TMEM170A: variants seen among roughly 807,000 people sequenced by gnomAD.
TMEM170A encodes the protein transmembrane protein 170.
Under a neutral mutation model 12.8 loss-of-function variants are expected in TMEM170A, and 18 were observed. That is an observed-to-expected ratio of 1.41 (90% CI 0.97 to 2.09). The LOEUF (loss-of-function observed/expected upper bound fraction) is 2.09, where lower values mean the gene tolerates loss of function less well. Among genes scored for constraint, TMEM170A ranks in the 30% most tolerant of loss-of-function variants. The pLI, the probability that TMEM170A is intolerant of heterozygous loss-of-function variation, is 0.00. For missense variants in TMEM170A, 220 were observed against 179.9 expected (o/e 1.22, Z -1.28); for synonymous variants, 107 against 76.2 (o/e 1.40, Z -2.11).
At chr16:75,461,345 C>G (rs955988933) in intron 1 of TMEM170A, among the ~76,000 whole-genome samples, 2 of 152,166 alleles carry the variant, frequency 1.3e-5, no homozygotes, top group African/African-American at 2.4e-5. Flanking sequence ...TGAGCCACGG[C>G]AACCGGCCAA....
chr16:75,463,990 G>A (rs1381621752), intron 1 of TMEM170A, among the ~76,000 whole-genome samples: 3 of 152,242 alleles, frequency 2.0e-5, no homozygotes, highest in African/African-American at 4.8e-5. Flanking sequence ...GCGAACGAGC[G>A]CCTGCGCGGA....
intron 1 of TMEM170A, among the ~76,000 whole-genome samples, chr16:75,461,462 T>C (rs748987973): frequency 2.0e-5 from 3 of 152,224 alleles, no homozygotes; most frequent in Non-Finnish European, 4.4e-5. Context: ...TACATAAATA[T>C]GTCAGAATAC....
At chr16:75,454,341 G>A (rs375993177) in intron 1 of TMEM170A, among the ~76,000 whole-genome samples, 10 of 152,274 alleles carry the variant, frequency 6.6e-5, no homozygotes, top group African/African-American at 2.2e-4. Context: ...CATGATGGCC[G>A]GGCGTGGTAG....
chr16:75,462,393 G>C (rs2079924096), intron 1 of TMEM170A, among the ~76,000 whole-genome samples: 1 of 152,154 alleles, frequency 6.6e-6, no homozygotes. Flanking sequence ...CTTTTTAGTA[G>C]AGACAAGGTT....
chr16:75,457,573 T>G (rs1271999578), intron 1 of TMEM170A, among the ~76,000 whole-genome samples: 1 of 152,140 alleles, frequency 6.6e-6, no homozygotes, highest in Admixed American at 6.6e-5. Context: ...GGAGATAATG[T>G]CTGTTATTTA....
chr16:75,459,635 T>C (rs1405897453), intron 1 of TMEM170A, among the ~76,000 whole-genome samples: 1 of 152,018 alleles, frequency 6.6e-6, no homozygotes, highest in Non-Finnish European at 1.5e-5. Context: ...GGTAGGAGGA[T>C]CACCTGAGGT....
rs2079688330 is a variant in TMEM170A, at chr16:75,451,754, G to A, written c.219C>T (p.Leu73=). ...TGAACCTACCATATTTGTGATGTCT[G>A]AGGGTGAAGAGGGCCAGTAATCCAG... The part of the protein sequence containing the change: ...VPAGLLALFT[L]RHHKYGRFMS... Residue 73 remains leucine, a synonymous_variant, in exon 2 of 3, where the codon CTC becomes CTT. Coordinates refer to ENST00000561878, the MANE Select transcript of TMEM170A (RefSeq NM_145254.3). The A allele has an allele frequency of 6.2e-7, 1 of 1,614,140 alleles. No homozygotes were observed. Among genetic ancestry groups the A allele is most frequent in the Non-Finnish European group, 8.5e-7 (1 of 1,180,030 alleles).
intron 1 of TMEM170A, among the ~76,000 whole-genome samples, chr16:75,452,173 A>G (rs1401200590): frequency 5.3e-5 from 8 of 151,778 alleles, no homozygotes; most frequent in Admixed American, 3.3e-4. Context: ...GGGTTTCACC[A>G]TGTTAACCAG....
chr16:75,461,533 G>C (rs2079908771), intron 1 of TMEM170A, among the ~76,000 whole-genome samples: 1 of 152,076 alleles, frequency 6.6e-6, no homozygotes, highest in South Asian at 2.1e-4. Context: ...TTTTCTGTGG[G>C]GCCAAAATAT....
Position 75,443,106 on chromosome 16 carries a change from AATT to A in TMEM170A, c.*4449_*4451del, listed in dbSNP as rs1055981781. The A allele has an allele frequency of 6.6e-6, 1 of 152,186 alleles. No individual in the cohort carries two copies. Among genetic ancestry groups the A allele is most frequent in the African/African-American group, 2.4e-5 (1 of 41,440 alleles). 9.4% of individuals were successfully genotyped at this position (152,186 alleles called of 1,614,324 possible). On this transcript the variant is annotated 3_prime_UTR_variant, in exon 3 of 3. Transcript: ENST00000561878. ...AACTTTGAACAAGAATTTTATCATA[AATT>A]AGTAAGAAGTAGAACATAAAAAAAG...
At chr16:75,457,750 C>T (rs766332651) in intron 1 of TMEM170A, among the ~76,000 whole-genome samples, 7 of 152,118 alleles carry the variant, frequency 4.6e-5, no homozygotes, top group Non-Finnish European at 8.8e-5. Flanking sequence ...AAACAGCGTC[C>T]GGCATACACA....
At chr16:75,461,677 G>C (rs1346988137) in intron 1 of TMEM170A, among the ~76,000 whole-genome samples, 1 of 152,160 alleles carries the variant, frequency 6.6e-6, no homozygotes, top group South Asian at 2.1e-4. Context: ...GAGGTTATGT[G>C]TTTACTACCA....
chr16:75,449,323 C>T (rs185615428), intron 2 of TMEM170A, among the ~76,000 whole-genome samples: 11 of 131,878 alleles, frequency 8.3e-5, no homozygotes, highest in Admixed American at 5.3e-4. Flanking sequence ...GTCTCAATCA[C>T]GTTTACAATT....
At chr16:75,452,421 C>A (rs1350194865) in intron 1 of TMEM170A, among the ~76,000 whole-genome samples, 2 of 152,168 alleles carry the variant, frequency 1.3e-5, no homozygotes, top group Non-Finnish European at 2.9e-5. Context: ...ATGTGTGCTA[C>A]CACGCCTGGC....
intron 1 of TMEM170A, among the ~76,000 whole-genome samples, chr16:75,462,515 C>T (rs2079926022): frequency 6.6e-6 from 1 of 152,216 alleles, no homozygotes; most frequent in African/African-American, 2.4e-5. Flanking sequence ...GGCTGACATT[C>T]AGTGTCTCTT....
In TMEM170A at chr16:75,447,471, G is replaced by A; in HGVS notation, c.*87C>T. 7.2e-7 allele frequency: 1 copy of A among 1,395,588 alleles called. No homozygotes were observed. Among genetic ancestry groups the A allele is most frequent in the Non-Finnish European group, 9.4e-7 (1 of 1,061,346 alleles). 86.5% of individuals were successfully genotyped at this position (1,395,588 alleles called of 1,614,324 possible). The stretch of plus-strand genomic sequence containing the variant: ...TTCATCCAAGTTGCTTCCCTTTGAA[G>A]AACTAAGAAAACACTACACTCCATA... On this transcript the variant is annotated 3_prime_UTR_variant, in exon 3 of 3. Coordinates refer to ENST00000561878, the MANE Select transcript of TMEM170A (RefSeq NM_145254.3).
Position 75,451,730 on chromosome 16 carries a change from G to C in TMEM170A, c.243C>G (p.Phe81Leu), listed in dbSNP as rs1222247963. The change falls in exon 2 of 3, where the codon TTC becomes TTG. Residue 81 changes from phenylalanine to leucine, a missense_variant. Transcript: ENST00000561878. ...CCATCAACAGGATGCTTACAGACAT[G>C]AACCTACCATATTTGTGATGTCTGA... is the stretch of plus-strand genomic sequence containing the variant. ...FTLRHHKYGR[F>L]MSVSILLMGI... The C allele has an allele frequency of 2.5e-6, 4 of 1,614,142 alleles. No homozygotes were observed. The highest frequency in any genetic ancestry group is 1.7e-5 in the Admixed American group (1 of 60,028).
intron 2 of TMEM170A, 69 bp from the exon 3 acceptor site, chr16:75,447,757 C>A: frequency 6.7e-7 from 1 of 1,484,208 alleles, no homozygotes; most frequent in South Asian, 1.3e-5. Flanking sequence ...GAAAATACAA[C>A]ATTTAAAATA....
rs1288603538 is a variant in TMEM170A at position 75,464,497 on chromosome 16, G to C, written c.104C>G (p.Pro35Arg). The change falls in exon 1 of 3, where the codon CCC (proline) becomes CGC (arginine). Residue 35 changes from proline to arginine, a missense_variant. Coordinates refer to ENST00000561878, the MANE Select transcript of TMEM170A (RefSeq NM_145254.3). ...VPRVGNGTLC[P>R]NSTSLCSFPE... Reference sequence around the variant, plus strand: ...GAAGGAGCAGAGGGAAGTAGAGTTGGGGCACAGGGTCCCGTTGCCCACCCG... The same window carrying C: ...GAAGGAGCAGAGGGAAGTAGAGTTGCGGCACAGGGTCCCGTTGCCCACCCG... 1.9e-6 allele frequency: 3 copies of C among 1,577,396 alleles called. No homozygotes were observed. The African/African-American group carries it at 4.2e-5, about 22-fold the overall frequency.
Sources: gnomAD v4.1 joint callset for allele counts (sites outside exome capture counted in the v4.1 genomes callset) on GRCh38, gnomAD v4.1.1 for gene constraint, MANE v1.5 for transcripts, NCBI Gene and HGNC (gene_info 2026-07-23, HGNC 2026-07-21) for gene names.